The following PODXL variants were observed in gnomAD, a reference collection of about 807,000 sequenced individuals.
PODXL encodes podocalyxin like, also known as podocalyxin.
A neutral mutation model predicts 48.9 loss-of-function variants in PODXL; 20 were observed. That is an observed-to-expected ratio of 0.41 (90% confidence interval 0.29 to 0.59). The LOEUF is 0.59. Ranked by LOEUF, PODXL falls within the 20% of genes least tolerant of loss-of-function variation. PODXL has a pLI of 0.31. For missense variants in PODXL, 606 were observed against 675.1 expected (o/e 0.90, Z 1.13); for synonymous variants, 295 against 287.4 (o/e 1.03, Z -0.27).
At chr7:131,518,955 C>T (rs1270762909) in intron 1 of PODXL, among the ~76,000 whole-genome samples, 2 of 152,188 alleles carry the variant, frequency 1.3e-5, no homozygotes, top group Non-Finnish European at 2.9e-5. Context: ...CACTCCAGAC[C>T]TATCCCTGTG....
At chr7:131,535,231 G>A (rs1352996730) in intron 1 of PODXL, among the ~76,000 whole-genome samples, 1 of 152,180 alleles carries the variant, frequency 6.6e-6, no homozygotes, top group Admixed American at 6.5e-5. Context: ...CAGTGTCGGA[G>A]GATGAACATC....
chr7:131,542,370 G>A (rs1355033590), intron 1 of PODXL, among the ~76,000 whole-genome samples: 1 of 152,210 alleles, frequency 6.6e-6, no homozygotes, highest in Non-Finnish European at 1.5e-5. Flanking sequence ...CAAAGTGGAA[G>A]GGAGGCTGGC....
In PODXL at chr7:131,556,587, CG is replaced by C; in HGVS notation, c.-229del. The C allele has an allele frequency of 2.6e-6, 1 of 378,722 alleles. No individual in the cohort carries two copies. 23.5% of individuals were successfully genotyped at this position (378,722 alleles called of 1,614,324 possible). On this transcript the variant is annotated 5_prime_UTR_variant, in exon 1 of 9. Transcript: ENST00000378555. ...AGTGGCAGAGGAGCGGCGGCGGCGG[CG>C]GCTGCGTCCTGGGCGGCGTCTGCGC...
chr7:131,532,109 A>ATAG (rs1798288687), intron 1 of PODXL, among the ~76,000 whole-genome samples: 1 of 146,324 alleles, frequency 6.8e-6, no homozygotes, highest in Non-Finnish European at 1.5e-5. Flanking sequence ...TCTCAAAATA[A>ATAG]TAATAATAAT....
chr7:131,515,460 G>A (rs746142987), intron 1 of PODXL, among the ~76,000 whole-genome samples: 1 of 152,070 alleles, frequency 6.6e-6, no homozygotes, highest in Admixed American at 6.6e-5. Flanking sequence ...GGAGTGCAAT[G>A]GTGCGATCTC....
At chr7:131,511,584 G>A (rs949411884) in intron 1 of PODXL, 151 bp from the exon 2 acceptor site, 22 of 699,092 alleles carry the variant, frequency 3.1e-5, no homozygotes, top group Admixed American at 1.8e-4. Flanking sequence ...CAGAATTTTC[G>A]GAGGTTCAAG....
intron 1 of PODXL, among the ~76,000 whole-genome samples, chr7:131,530,973 G>A (rs1161949135): frequency 3.9e-5 from 6 of 152,120 alleles, no homozygotes; most frequent in East Asian, 1.9e-4. Context: ...CAGGAGAATC[G>A]CTTGAACCCG....
intron 1 of PODXL, among the ~76,000 whole-genome samples, chr7:131,523,849 A>G (rs1341959697): frequency 6.7e-6 from 1 of 150,170 alleles, no homozygotes; most frequent in Non-Finnish European, 1.5e-5. Context: ...CCCAGGCTGG[A>G]GTACAGTGGT....
At chr7:131,533,095 G>A (rs1798310649) in intron 1 of PODXL, among the ~76,000 whole-genome samples, 1 of 152,224 alleles carries the variant, frequency 6.6e-6, no homozygotes, top group Non-Finnish European at 1.5e-5. Context: ...AGGAAGGGCT[G>A]CTCCAACTGT....
intron 1 of PODXL, among the ~76,000 whole-genome samples, chr7:131,534,126 C>CTT (rs1798328447): frequency 1.3e-5 from 2 of 152,298 alleles, no homozygotes; most frequent in African/African-American, 4.8e-5. Flanking sequence ...TCTCGAGCCA[C>CTT]TCACACCTGC....
chr7:131,522,568 CCCCGGG>C (rs1316339215), intron 1 of PODXL, among the ~76,000 whole-genome samples: 1 of 152,200 alleles, frequency 6.6e-6, no homozygotes, highest in Non-Finnish European at 1.5e-5. Flanking sequence ...GACTTTGCAG[CCCCGGG>C]TGCACCGAAG....
At chr7:131,545,180 C>CAG (rs1223511737) in intron 1 of PODXL, among the ~76,000 whole-genome samples, 2 of 152,218 alleles carry the variant, frequency 1.3e-5, no homozygotes, top group Non-Finnish European at 2.9e-5. Flanking sequence ...ATTCTTTTAA[C>CAG]AGAGCCTCCC....
chr7:131,539,787 C>A (rs1018276029), intron 1 of PODXL, among the ~76,000 whole-genome samples: 1 of 152,188 alleles, frequency 6.6e-6, no homozygotes, highest in African/African-American at 2.4e-5. Flanking sequence ...CTGCATGTGT[C>A]CTGGTACACT....
At chr7:131,514,275 G>A (rs1426020884) in intron 1 of PODXL, among the ~76,000 whole-genome samples, 3 of 152,192 alleles carry the variant, frequency 2.0e-5, no homozygotes, top group South Asian at 2.1e-4. Context: ...TTAGCCAGGC[G>A]TGGTGGCGGG....
At chr7:131,516,668 T>C (rs946108463) in intron 1 of PODXL, among the ~76,000 whole-genome samples, 1 of 152,094 alleles carries the variant, frequency 6.6e-6, no homozygotes, top group Non-Finnish European at 1.5e-5. Flanking sequence ...CATCTTTCCA[T>C]GTCTCTGAAA....
At chr7:131,531,897 G>A (rs1382826748) in intron 1 of PODXL, among the ~76,000 whole-genome samples, 1 of 151,090 alleles carries the variant, frequency 6.6e-6, no homozygotes, top group African/African-American at 2.4e-5. Context: ...GATCACCTGA[G>A]GTTGGGAGTT....
At position 131,501,921 on chromosome 7, in the gene PODXL, A is replaced by G. The variant is rs1363349743; in HGVS notation, c.*2390T>C. On this transcript the variant is annotated 3_prime_UTR_variant, in exon 9 of 9. Transcript: ENST00000378555. ...CTAGACTAACACAGTTTGGACGAAT[A>G]TAAAGCAGTAACCTCTGAATCAGCC... 1 of 152,236 alleles carries G rather than the reference A, an allele frequency of 6.6e-6. No homozygotes were observed. The highest frequency in any genetic ancestry group is 2.4e-5 in the African/African-American group (1 of 41,438). The allele number at this position is 152,236 out of a possible 1,614,324, so 9.4% of individuals were successfully genotyped here. A position where few individuals can be genotyped will look rare whatever the true frequency, so the allele number is the denominator to read the frequency against.
intron 1 of PODXL, among the ~76,000 whole-genome samples, chr7:131,525,156 G>A (rs2116822541): frequency 6.6e-6 from 1 of 152,220 alleles, no homozygotes; most frequent in East Asian, 1.9e-4. Context: ...ACAAGACTCT[G>A]CATCTGTTGA....
At chr7:131,545,342 G>A (rs1299075963) in intron 1 of PODXL, among the ~76,000 whole-genome samples, 2 of 152,164 alleles carry the variant, frequency 1.3e-5, no homozygotes, top group African/African-American at 4.8e-5. Flanking sequence ...AGGTCAGAGG[G>A]CCCTCTTCAT....
Sources: gnomAD v4.1 joint callset for allele counts (sites outside exome capture counted in the v4.1 genomes callset) on GRCh38, gnomAD v4.1.1 for gene constraint, MANE v1.5 for transcripts, NCBI Gene and HGNC (gene_info 2026-07-23, HGNC 2026-07-21) for gene names.